The following BRD7 variants were observed in gnomAD, a reference collection of about 807,000 sequenced individuals.
BRD7 encodes the protein bromodomain containing 7, also known as bromodomain-containing protein 7.
In BRD7, 15 loss-of-function variants were observed where a neutral mutation model predicts 82.1. That is an observed-to-expected ratio of 0.18 (90% CI 0.12 to 0.28). The LOEUF (loss-of-function observed/expected upper bound fraction) is 0.28. BRD7 is among the 10% of genes least tolerant of loss of function. The pLI is 1.00. For synonymous variants in BRD7, 232 were observed against 266.9 expected, an observed-to-expected ratio of 0.87 and a Z score of 1.27; for missense variants, 638 against 779.9, an observed-to-expected ratio of 0.82 and a Z score of 2.17.
At chr16:50,355,091 C>A (rs530321335) in intron 2 of BRD7, among the ~76,000 whole-genome samples, 169 bp from the exon 3 acceptor site, 2 of 151,752 alleles carry the variant, frequency 1.3e-5, no homozygotes, top group South Asian at 2.1e-4. Flanking sequence ...AATACGTTCA[C>A]GAAGGAAAAA....
At chr16:50,336,388 T>A (rs918183371) in intron 6 of BRD7, among the ~76,000 whole-genome samples, 3 of 152,206 alleles carry the variant, frequency 2.0e-5, no homozygotes, top group Non-Finnish European at 4.4e-5. Context: ...TATACCAATT[T>A]ACATACTAAT....
intron 9 of BRD7, among the ~76,000 whole-genome samples, chr16:50,328,384 A>G (rs2151144984): frequency 6.6e-6 from 1 of 152,360 alleles, no homozygotes. Context: ...TCTTAAAACC[A>G]GGGCTAGGAA....
Position 50,368,301 on chromosome 16 carries a change from T to TA in BRD7, c.50-4dup, listed in dbSNP as rs1456013376. 4.3e-6 allele frequency: 7 copies of TA among 1,609,678 alleles called. No individual in the cohort carries two copies. The East Asian group carries it at 6.7e-5, about 15-fold the overall frequency. ...CTTCAAGGGCTTCTCTACATACTCTTAAAAAAAGAAAAGAAAAGAAAGGAA... is the reference window on the plus strand; with the variant it reads ...CTTCAAGGGCTTCTCTACATACTCTTAAAAAAAAGAAAAGAAAAGAAAGGAA... On this transcript the variant is annotated splice_polypyrimidine_tract_variant and splice_region_variant and intron_variant, in intron 1 of 16. Transcript: ENST00000394688.
At chr16:50,329,054 T>C (rs1348229195) in intron 8 of BRD7, among the ~76,000 whole-genome samples, 1 of 152,184 alleles carries the variant, frequency 6.6e-6, no homozygotes, top group Non-Finnish European at 1.5e-5. Context: ...ATTTCAGATT[T>C]TGGAGAATTT....
At chr16:50,321,499 G>A (rs1373041672) in intron 13 of BRD7, among the ~76,000 whole-genome samples, 2 of 149,502 alleles carry the variant, frequency 1.3e-5, no homozygotes, top group Non-Finnish European at 3.0e-5. Flanking sequence ...CCCAGGAGGC[G>A]GAGGTTGTAG....
At position 50,318,887 on chromosome 16, in the gene BRD7, G is replaced by A. The variant is rs567695810; in HGVS notation, c.*324C>T. 1.6e-4 allele frequency: 38 copies of A among 233,502 alleles called. No individual in the cohort carries two copies. Among genetic ancestry groups the A allele is most frequent in the Admixed American group, 2.8e-4 (5 of 17,782 alleles). The allele number at this position is 233,502 out of a possible 1,614,324, so 14.5% of individuals were successfully genotyped here. A position where few individuals can be genotyped will look rare whatever the true frequency, so the allele number is the denominator to read the frequency against. On this transcript the variant is annotated 3_prime_UTR_variant, in exon 17 of 17. Coordinates refer to ENST00000394688, the MANE Select transcript of BRD7 (RefSeq NM_013263.5). Reference sequence around the variant, plus strand: ...ATTATTTCAAGTATGTTCGTATAACGGAAAATCTCACTGGATGGGGCCGTT... The same window carrying A: ...ATTATTTCAAGTATGTTCGTATAACAGAAAATCTCACTGGATGGGGCCGTT...
At chr16:50,329,707 A>C (rs996277072) in intron 8 of BRD7, among the ~76,000 whole-genome samples, 27 of 152,238 alleles carry the variant, frequency 1.8e-4, no homozygotes, top group African/African-American at 6.5e-4. Context: ...CACTGCAGCA[A>C]GATGGCCACT....
chr16:50,323,648 T>C lies in BRD7; in HGVS notation c.1382A>G (p.Asp461Gly). ...TTTTGTTAAAACATCCAGTAAACTA[T>C]CTGCCATGACATACGGATAATCTTG... Reference protein sequence around the residue: ...TCQDYPYVMADSLLDVLTKGG... With the variant: ...TCQDYPYVMAGSLLDVLTKGG... The change falls in exon 12 of 17, where the codon GAT becomes GGT. Residue 461 changes from aspartate (D) to glycine (G), a missense_variant. Physicochemically the swap from Asp to Gly is moderately conservative, Grantham distance 94 (BLOSUM62 -1). Coordinates refer to ENST00000394688, the MANE Select transcript of BRD7 (RefSeq NM_013263.5). The C allele has an allele frequency of 6.2e-7, 1 of 1,613,918 alleles. No homozygotes were observed. Among genetic ancestry groups the C allele is most frequent in the Non-Finnish European group, 8.5e-7 (1 of 1,179,786 alleles).
chr16:50,351,016 G>T (rs1368444252), intron 4 of BRD7, among the ~76,000 whole-genome samples: 1 of 152,158 alleles, frequency 6.6e-6, no homozygotes. Context: ...TGCTTTATAT[G>T]ATTAAATCAT....
chr16:50,368,380 C>T (rs2039233650), intron 1 of BRD7, 82 bp from the exon 2 acceptor site: 2 of 1,415,006 alleles, frequency 1.4e-6, no homozygotes, highest in South Asian at 1.3e-5. Context: ...TGCAGAGCGC[C>T]AAGGCGCAGC....
At chr16:50,321,896 C>T in intron 13 of BRD7, 86 bp downstream of exon 13, 1 of 1,243,566 alleles carries the variant, frequency 8.0e-7, no homozygotes, top group Non-Finnish European at 1.2e-6. Context: ...TCCTTCTTAC[C>T]CAATGGGCCT....
At chr16:50,332,542 G>C (rs1242909322) in intron 8 of BRD7, among the ~76,000 whole-genome samples, 1 of 152,208 alleles carries the variant, frequency 6.6e-6, no homozygotes, top group Non-Finnish European at 1.5e-5. Context: ...CTGTTGGTGA[G>C]AATGTAAATT....
In BRD7 at chr16:50,325,727, GAAT is replaced by G. The variant is rs749140737; in HGVS notation, c.1331+18_1331+20del. 8.2e-6 allele frequency: 13 copies of G among 1,578,022 alleles called. No individual in the cohort carries two copies. In the South Asian group the frequency reaches 1.5e-4, roughly 19 times the overall value. On this transcript the variant is annotated intron_variant, in intron 11 of 16. Coordinates refer to ENST00000394688, the MANE Select transcript of BRD7 (RefSeq NM_013263.5). ...TAATGTTTTTAAACAAATGTAATCA[GAAT>G]ATTAACTGGAAACTCACCTGAAATC...
At chr16:50,340,676 T>C (rs2151169771) in intron 5 of BRD7, among the ~76,000 whole-genome samples, 1 of 152,344 alleles carries the variant, frequency 6.6e-6, no homozygotes, top group African/African-American at 2.4e-5. Context: ...TGCAGAATGT[T>C]GCAAAACCAT....
intron 15 of BRD7, 64 bp downstream of exon 15, chr16:50,320,184 G>A: frequency 3.2e-6 from 5 of 1,560,682 alleles, no homozygotes; most frequent in Non-Finnish European, 4.3e-6. Context: ...CATCACCACT[G>A]TACTCAAGAA....
chr16:50,335,080 T>G (rs567171733), intron 6 of BRD7, among the ~76,000 whole-genome samples, 185 bp from the exon 7 acceptor site: 1 of 152,362 alleles, frequency 6.6e-6, no homozygotes, highest in Non-Finnish European at 1.5e-5. Flanking sequence ...CCTTCAATTC[T>G]TAAAATTTAA....
At chr16:50,328,634 C>T (rs2037436448) in intron 9 of BRD7, 35 bp downstream of exon 9, 1 of 1,576,496 alleles carries the variant, frequency 6.3e-7, no homozygotes. Flanking sequence ...TGCCAAATAG[C>T]ATCAAGTTCA....
intron 4 of BRD7, among the ~76,000 whole-genome samples, chr16:50,351,440 C>T (rs778264649): frequency 3.9e-5 from 6 of 152,222 alleles, no homozygotes; most frequent in Non-Finnish European, 7.3e-5. Context: ...GTTACCGTAA[C>T]GGCAGCATTC....
intron 4 of BRD7, 55 bp downstream of exon 4, chr16:50,354,370 C>T: frequency 1.4e-6 from 2 of 1,437,902 alleles, no homozygotes; most frequent in African/African-American, 1.4e-5. Flanking sequence ...GGTTTGGATC[C>T]TACACATCTA....
Sources: allele counts gnomAD v4.1 joint callset (sites outside exome capture counted in the v4.1 genomes callset), GRCh38; gene constraint gnomAD v4.1.1; transcripts MANE v1.5; gene names NCBI Gene and HGNC (gene_info 2026-07-23, HGNC 2026-07-21).